The following TEX9 variants were observed in gnomAD, a reference collection of about 807,000 sequenced individuals.
TEX9 encodes testis-expressed protein 9.
A neutral mutation model predicts 59.6 loss-of-function variants in TEX9; 74 were observed. The observed-to-expected ratio is 1.24, with a 90% CI of 1.03 to 1.51. The LOEUF (loss-of-function observed/expected upper bound fraction) is 1.51, where lower values mean the gene tolerates loss of function less well. Ranked by LOEUF, TEX9 falls within the 40% of genes most tolerant of loss-of-function variation. The pLI, the probability that TEX9 is intolerant of heterozygous loss-of-function variation, is 0.00. For synonymous variants in TEX9, 186 were observed against 152.2 expected, an observed-to-expected ratio of 1.22 and a Z score of -1.64; for missense variants, 522 against 447.8, an observed-to-expected ratio of 1.17 and a Z score of -1.49.
At chr15:56,328,366 G>T (rs554362891) in intron 1 of TEX9, among the ~76,000 whole-genome samples, 1 of 152,242 alleles carries the variant, frequency 6.6e-6, no homozygotes, top group Non-Finnish European at 1.5e-5. Context: ...GGCCTTGGGT[G>T]AGACCCAGCA....
In TEX9 at chr15:56,329,928, A is replaced by G. The variant is rs995148852; in HGVS notation, c.-106-43513A>G. On this transcript the variant is annotated intron_variant, in intron 1 of 5. Coordinates refer to the TEX9 transcript ENST00000560827. ...TAATATCCAAGTACAAGAAGGTTAT[A>G]GAACACCAAGCAGATTTAATCCAAA... 2.6e-5 allele frequency among the ~76,000 whole-genome samples: 4 copies of G among 152,222 alleles called. No individual in the cohort carries two copies. The South Asian group carries it at 8.3e-4, about 32-fold the overall frequency.
intron 9 of TEX9, among the ~76,000 whole-genome samples, chr15:56,411,088 T>G (rs777291516): frequency 6.6e-6 from 1 of 152,228 alleles, no homozygotes; most frequent in Non-Finnish European, 1.5e-5. Context: ...TATAGACAAC[T>G]GTATTTTTAA....
Position 56,394,752 on chromosome 15 carries a change from AAGTAG to A in TEX9, c.748_752del (p.Val250LysfsTer14). On this transcript the variant is annotated frameshift_variant, in exon 9 of 13. Coordinates refer to ENST00000352903, the Ensembl canonical transcript of TEX9. LOFTEE classifies it high-confidence loss of function. ...CGAACAATTAATATGCAACAGTCTC[AAGTAG>A]AAAAATACAAAACTCTTTTCGAAGA... 1.2e-6 allele frequency: 2 copies of A among 1,612,920 alleles called. No homozygotes were observed. The highest frequency in any genetic ancestry group is 2.2e-5 in the South Asian group (2 of 90,924).
At position 56,268,256 on chromosome 15, in the gene TEX9, C is replaced by T. The variant is rs2044437280; in HGVS notation, c.-107+23978C>T. Among the ~76,000 whole-genome samples, 3 of 152,178 alleles carry T rather than the reference C, an allele frequency of 2.0e-5. No individual in the cohort carries two copies. In the South Asian group the frequency reaches 6.2e-4, roughly 32 times the overall value. On this transcript the variant is annotated intron_variant, in intron 1 of 5. Transcript: ENST00000560827. ...TGATGGGATTTTCTAAATATACAAT[C>T]ATGTCATCTGCAAACAGGGACAATT...
At position 56,386,028 on chromosome 15, in the gene TEX9, C is replaced by A. The variant is rs191266717; in HGVS notation, c.263+1997C>A. Among the ~76,000 whole-genome samples, 877 of 151,956 alleles carry A rather than the reference C, an allele frequency of 5.8e-3. 2 individuals carry two copies. The highest frequency in any genetic ancestry group is 9.5e-3 in the Non-Finnish European group (647 of 67,916). ...TTAGATCAATTTTATTCATAATTAC[C>A]AAAACCTGGAAATAATTAAAATATT... On this transcript the variant is annotated intron_variant, in intron 4 of 12. Coordinates refer to ENST00000352903, the Ensembl canonical transcript of TEX9.
intron 1 of TEX9, among the ~76,000 whole-genome samples, chr15:56,286,396 G>A (rs1472276869): frequency 6.6e-6 from 1 of 152,146 alleles, no homozygotes; most frequent in Non-Finnish European, 1.5e-5. Flanking sequence ...CAGAGATGAG[G>A]CACTGACACA....
chr15:56,317,730 G>T (rs1010432240), intron 1 of TEX9, among the ~76,000 whole-genome samples: 2 of 151,860 alleles, frequency 1.3e-5, no homozygotes, highest in Non-Finnish European at 2.9e-5. Context: ...TTAATCTCAA[G>T]GTATTTCCTA....
At chr15:56,325,146 T>A (rs758244338) in intron 1 of TEX9, among the ~76,000 whole-genome samples, 27 of 152,210 alleles carry the variant, frequency 1.8e-4, no homozygotes, top group Non-Finnish European at 3.7e-4. Flanking sequence ...TGTGTAGCAT[T>A]GATTACCACC....
chr15:56,370,530 T>C (rs1189047239), intron 2 of TEX9, among the ~76,000 whole-genome samples: 3 of 152,228 alleles, frequency 2.0e-5, no homozygotes, highest in Admixed American at 2.0e-4. Context: ...TAATTCTAGA[T>C]GGCCAGCTTT....
In TEX9 at chr15:56,288,314, T is replaced by A. The variant is rs141899521; in HGVS notation, c.-107+44036T>A. 2.9e-3 allele frequency among the ~76,000 whole-genome samples: 437 copies of A among 151,778 alleles called. 3 individuals carry two copies. Among genetic ancestry groups the A allele is most frequent in the African/African-American group, 0.01 (422 of 41,432 alleles). On this transcript the variant is annotated intron_variant, in intron 1 of 5. Transcript: ENST00000560827. ...CGCTTTTTACTAGCTTTTACTAGAATTTTTTTTTACTAATTAGTTTTCTAC... is the reference window on the plus strand; with the variant it reads ...CGCTTTTTACTAGCTTTTACTAGAAATTTTTTTTACTAATTAGTTTTCTAC...
intron 12 of TEX9, among the ~76,000 whole-genome samples, chr15:56,435,739 A>G (rs2050712993): frequency 1.3e-5 from 2 of 151,976 alleles, no homozygotes; most frequent in South Asian, 2.1e-4. Context: ...ATTCTATCAA[A>G]TATTTAAAAA....
At chr15:56,424,415 T>C (rs1370284934) in intron 10 of TEX9, among the ~76,000 whole-genome samples, 2 of 152,206 alleles carry the variant, frequency 1.3e-5, no homozygotes, top group African/African-American at 4.8e-5. Flanking sequence ...CAGCATATAG[T>C]TGGATTTTGG....
chr15:56,318,067 AAC>A (rs1462575210), intron 1 of TEX9, among the ~76,000 whole-genome samples: 1 of 152,084 alleles, frequency 6.6e-6, no homozygotes, highest in Admixed American at 6.5e-5. Flanking sequence ...CCATTATTGA[AAC>A]TGGGTTACTG....
the TEX9 span, among the ~76,000 whole-genome samples, chr15:56,459,757 G>A: frequency 7.8e-3 from 1,174 of 151,458 alleles, 13 homozygotes; most frequent in African/African-American, 0.027. Flanking sequence ...TTGGGAGGCC[G>A]AAGAGGACAG....
intron 2 of TEX9, among the ~76,000 whole-genome samples, chr15:56,368,424 A>C (rs1021167329): frequency 1.3e-5 from 2 of 152,110 alleles, no homozygotes; most frequent in Non-Finnish European, 2.9e-5. Context: ...TATCAGTATC[A>C]TTCTGTCTGT....
intron 3 of TEX9, among the ~76,000 whole-genome samples, chr15:56,374,897 G>A (rs2047360974): frequency 1.3e-5 from 2 of 152,146 alleles, no homozygotes; most frequent in Admixed American, 6.6e-5. Flanking sequence ...TTTTATGGCT[G>A]AATAGTACTC....
chr15:56,361,953 G>A (rs1024959637), upstream of TEX9, among the ~76,000 whole-genome samples: 3 of 152,128 alleles, frequency 2.0e-5, no homozygotes, highest in Non-Finnish European at 4.4e-5. Flanking sequence ...CTAGCCTCCA[G>A]ACCCATGAGA....
At chr15:56,345,767 C>A (rs1863427) in intron 1 of TEX9, among the ~76,000 whole-genome samples, 136,646 of 152,166 alleles carry the variant, frequency 0.9, 62,152 homozygotes, top group Non-Finnish European at 0.98. Flanking sequence ...TCATGAAAGG[C>A]CCAAGCACAG....
chr15:56,402,005 A>T (rs2048811758), intron 9 of TEX9, among the ~76,000 whole-genome samples: 1 of 152,220 alleles, frequency 6.6e-6, no homozygotes, highest in African/African-American at 2.4e-5. Flanking sequence ...AATTTATAGC[A>T]CTAAATGCCC....
Sources: gnomAD v4.1 joint callset for allele counts (sites outside exome capture counted in the v4.1 genomes callset) on GRCh38, gnomAD v4.1.1 for gene constraint, MANE v1.5 for transcripts, NCBI Gene and HGNC (gene_info 2026-07-23, HGNC 2026-07-21) for gene names.